CBFA2T2: variants seen among roughly 807,000 people sequenced by gnomAD.
The protein encoded by CBFA2T2 is protein CBFA2T2.
CBFA2T2 carries 11 observed loss-of-function variants against 62.2 expected under a neutral mutation model. The observed-to-expected ratio is 0.18, with a 90% CI of 0.11 to 0.29. CBFA2T2 has a LOEUF of 0.29. CBFA2T2 is among the 10% of genes least tolerant of loss of function. The pLI is 1.00. For missense variants in CBFA2T2, 592 were observed against 774.1 expected, an observed-to-expected ratio of 0.76 and a Z score of 2.79; for synonymous variants, 295 against 287.5, an observed-to-expected ratio of 1.03 and a Z score of -0.27.
At chr20:33,534,066 T>C (rs1465146144) in intron 1 of CBFA2T2, among the ~76,000 whole-genome samples, 1 of 152,176 alleles carries the variant, frequency 6.6e-6, no homozygotes, top group Non-Finnish European at 1.5e-5. Context: ...TGGGCTCTAG[T>C]GATACTCCTG....
At chr20:33,528,109 G>T (rs2011939519) in intron 1 of CBFA2T2, among the ~76,000 whole-genome samples, 1 of 151,968 alleles carries the variant, frequency 6.6e-6, no homozygotes, top group African/African-American at 2.4e-5. Context: ...GGTTCAAGCA[G>T]TCCTCCCACC....
intron 1 of CBFA2T2, among the ~76,000 whole-genome samples, chr20:33,490,793 T>C (rs1437079882): frequency 6.6e-6 from 1 of 152,182 alleles, no homozygotes; most frequent in Non-Finnish European, 1.5e-5. Context: ...TCCCGGTGCC[T>C]CAGTTCCCCC....
At chr20:33,534,297 CA>C (rs1270660624) in intron 1 of CBFA2T2, among the ~76,000 whole-genome samples, 1 of 151,794 alleles carries the variant, frequency 6.6e-6, no homozygotes, top group Non-Finnish European at 1.5e-5. Context: ...AAAAAAATTA[CA>C]TTGTTTATTT....
At chr20:33,524,030 G>A (rs1369532071) in intron 1 of CBFA2T2, among the ~76,000 whole-genome samples, 1 of 151,846 alleles carries the variant, frequency 6.6e-6, no homozygotes, top group Non-Finnish European at 1.5e-5. Flanking sequence ...TCACTTGTAG[G>A]TAGGTTTTAG....
At chr20:33,494,273 A>ATATATATATATATTTTTT (rs1568783119) in intron 1 of CBFA2T2, among the ~76,000 whole-genome samples, 1 of 21,358 alleles carries the variant, frequency 4.7e-5, no homozygotes, top group Non-Finnish European at 7.1e-5. Context: ...ATATATATAT[A>ATATATATATATATTTTTT]TTTTTTTTTT....
At chr20:33,572,342 A>G (rs2013607216) in intron 1 of CBFA2T2, among the ~76,000 whole-genome samples, 1 of 152,218 alleles carries the variant, frequency 6.6e-6, no homozygotes, top group Non-Finnish European at 1.5e-5. Context: ...AGATAAAAAT[A>G]TAGGTAGATA....
chr20:33,631,173 G>A (rs2016435701), intron 8 of CBFA2T2, among the ~76,000 whole-genome samples: 1 of 152,178 alleles, frequency 6.6e-6, no homozygotes, highest in South Asian at 2.1e-4. Context: ...AATTAGCCAG[G>A]CGTGGTGGCG....
At chr20:33,524,536 C>T (rs1178100622) in intron 1 of CBFA2T2, among the ~76,000 whole-genome samples, 1 of 151,988 alleles carries the variant, frequency 6.6e-6, no homozygotes, top group East Asian at 1.9e-4. Context: ...GATGGGCATG[C>T]CATGAACTTG....
At chr20:33,608,542 A>C (rs2122291781) in intron 2 of CBFA2T2, among the ~76,000 whole-genome samples, 1 of 152,352 alleles carries the variant, frequency 6.6e-6, no homozygotes, top group South Asian at 2.1e-4. Context: ...GCCAGAGTGA[A>C]TGAAAAGAAG....
At chr20:33,491,715 T>C (rs190266196) in intron 1 of CBFA2T2, among the ~76,000 whole-genome samples, 1 of 152,158 alleles carries the variant, frequency 6.6e-6, no homozygotes, top group African/African-American at 2.4e-5. Context: ...GGCTTTTTTT[T>C]TTTTGAGACG....
chr20:33,625,576 C>T (rs1326400000), intron 6 of CBFA2T2, among the ~76,000 whole-genome samples: 1 of 152,210 alleles, frequency 6.6e-6, no homozygotes. Flanking sequence ...TTTGAGAACT[C>T]TGTTTGAAGA....
rs756204000 is a variant in CBFA2T2, at chr20:33,629,776, C to G, written c.1090C>G (p.Arg364Gly). ...AACAAGGCGCTCTATGGCAGTTCTG[C>G]GGCGCTGTCAGGAATCAGATCGTGA... ...EKTRRSMAVL[R>G]RCQESDREEL... Residue 364 changes from arginine to glycine, a missense_variant, in exon 8 of 11, where the codon CGG becomes GGG. Arg to Gly is a moderately radical substitution (Grantham distance 125). Around this residue, in one of 3 missense-constraint regions of CBFA2T2, gnomAD observed 449 missense variants for 551.2 expected, o/e 0.81. Coordinates refer to ENST00000342704, the MANE Select transcript of CBFA2T2 (RefSeq NM_001032999.3). The G allele has an allele frequency of 1.2e-6, 2 of 1,613,984 alleles. No individual in the cohort carries two copies. The highest frequency in any genetic ancestry group is 2.7e-5 in the African/African-American group (2 of 74,884).
intron 1 of CBFA2T2, among the ~76,000 whole-genome samples, chr20:33,525,994 T>C (rs2011875110): frequency 6.6e-6 from 1 of 152,164 alleles, no homozygotes; most frequent in Non-Finnish European, 1.5e-5. Flanking sequence ...CTTTGTGTTT[T>C]TTATTGGTGA....
chr20:33,576,745 T>C (rs2013844510), intron 1 of CBFA2T2, among the ~76,000 whole-genome samples: 1 of 152,266 alleles, frequency 6.6e-6, no homozygotes, highest in Admixed American at 6.5e-5. Flanking sequence ...CAGCTCGACA[T>C]CTGCAGGCTG....
intron 1 of CBFA2T2, among the ~76,000 whole-genome samples, chr20:33,595,799 C>G (rs1190520421): frequency 1.3e-5 from 2 of 152,188 alleles, no homozygotes; most frequent in African/African-American, 2.4e-5. Context: ...CTCAGCCTCC[C>G]AAAGTGCTGG....
rs562474579 is a variant in CBFA2T2, at chr20:33,592,983, A to G, written c.35-13973A>G. The stretch of plus-strand genomic sequence containing the variant: ...TAGGCTTTTCCATTGTAAAGAAGCT[A>G]TATTTATCTAGATCCATCCTCCCCC... On this transcript the variant is annotated intron_variant, in intron 1 of 10. Coordinates refer to ENST00000342704, the MANE Select transcript of CBFA2T2 (RefSeq NM_001032999.3). Among the ~76,000 whole-genome samples, 11 of 152,298 alleles carry G rather than the reference A, an allele frequency of 7.2e-5. No homozygotes were observed. In the East Asian group the frequency reaches 1.2e-3, roughly 16 times the overall value.
chr20:33,497,584 T>C (rs979614880), intron 1 of CBFA2T2, among the ~76,000 whole-genome samples: 3 of 136,728 alleles, frequency 2.2e-5, no homozygotes, highest in Non-Finnish European at 4.6e-5. Flanking sequence ...GGGGTCTCAC[T>C]CTGTCGCTAG....
intron 1 of CBFA2T2, among the ~76,000 whole-genome samples, chr20:33,519,950 C>G (rs945440598): frequency 6.6e-6 from 1 of 152,028 alleles, no homozygotes; most frequent in Non-Finnish European, 1.5e-5. Flanking sequence ...AGTTCGAGAC[C>G]AGCCTGACCA....
intron 1 of CBFA2T2, among the ~76,000 whole-genome samples, chr20:33,525,261 C>T (rs1316088576): frequency 3.3e-5 from 5 of 151,870 alleles, no homozygotes; most frequent in African/African-American, 1.2e-4. Context: ...TCTCGGCTCA[C>T]CACAACCTCC....
Sources: allele counts gnomAD v4.1 joint callset (sites outside exome capture counted in the v4.1 genomes callset), GRCh38; gene constraint gnomAD v4.1.1; regional missense constraint gnomAD v4.1.1; transcripts MANE v1.5; gene names NCBI Gene and HGNC (gene_info 2026-07-23, HGNC 2026-07-21).